PCDHA1: variants seen among roughly 807,000 people sequenced by gnomAD.
PCDHA1 encodes the protein protocadherin alpha-1.
A neutral mutation model predicts 61.3 loss-of-function variants in PCDHA1; 42 were observed. The observed-to-expected ratio is 0.69, with a 90% CI of 0.54 to 0.89. The LOEUF is 0.89. Among genes scored for constraint, PCDHA1 ranks in the 40% least tolerant of loss-of-function variants. The probability of loss-of-function intolerance (pLI) is 0.00; values close to 1 mark genes in which losing one functional copy is unlikely to be tolerated. For synonymous variants in PCDHA1, 610 were observed against 553.8 expected (o/e 1.10, Z -1.43); for missense variants, 1,256 against 1,235.3 (o/e 1.02, Z -0.25).
intron 1 of PCDHA1, among the ~76,000 whole-genome samples, chr5:140,894,786 C>T (rs990092948): frequency 6.6e-6 from 1 of 151,576 alleles, no homozygotes; most frequent in Non-Finnish European, 1.5e-5. Flanking sequence ...AATTATTTGT[C>T]CTCTCCTTTA....
intron 1 of PCDHA1, chr5:140,927,277 GTGCAGC>G: frequency 6.2e-7 from 1 of 1,614,016 alleles, no homozygotes; most frequent in Non-Finnish European, 8.5e-7. Flanking sequence ...TGCCGGCGAC[GTGCAGC>G]TGCACATCCC....
At chr5:140,807,209 G>T in intron 1 of PCDHA1, 1 of 1,613,838 alleles carries the variant, frequency 6.2e-7, no homozygotes, top group Non-Finnish European at 8.5e-7. Context: ...CTGGGGAAGC[G>T]GCCAGGAATC....
chr5:140,898,114 G>A (rs367767804), intron 1 of PCDHA1, among the ~76,000 whole-genome samples: 18 of 151,862 alleles, frequency 1.2e-4, no homozygotes, highest in Non-Finnish European at 2.4e-4. Context: ...AGTAGGTTGC[G>A]AAAATTTTCT....
intron 1 of PCDHA1, among the ~76,000 whole-genome samples, chr5:140,903,758 T>TCCACCAAAGCCCAGTAATAGGCCAAGA (rs2070567163): frequency 6.6e-6 from 1 of 152,218 alleles, no homozygotes; most frequent in Non-Finnish European, 1.5e-5. Flanking sequence ...CCTTGATTTT[T>TCCACCAAAGCCCAGTAATAGGCCAAGA]GCTGAACTTT....
chr5:140,796,927 G>A (rs1246364353), intron 1 of PCDHA1: 1 of 1,613,712 alleles, frequency 6.2e-7, no homozygotes, highest in Non-Finnish European at 8.5e-7. Flanking sequence ...GAAGGACCAC[G>A]GCGAACCAGC....
At chr5:140,821,286 A>G (rs1383696514) in intron 1 of PCDHA1, among the ~76,000 whole-genome samples, 1 of 152,166 alleles carries the variant, frequency 6.6e-6, no homozygotes, top group Admixed American at 6.5e-5. Context: ...GAAATATATA[A>G]ACTCCTCCCT....
chr5:140,884,582 T>G, intron 1 of PCDHA1: 1 of 1,614,172 alleles, frequency 6.2e-7, no homozygotes, highest in South Asian at 1.1e-5. Flanking sequence ...CCTCATGGCC[T>G]TCAGTCCCAG....
Position 140,883,886 on chromosome 5 carries a change from T to G in PCDHA1, c.2395-95063T>G, listed in dbSNP as rs147704126. ...GCAGTTCCAGGTGAGCGCGCGCGAC[T>G]CTGGCGTGCCGCCTCTGGGCAGCAA... On this transcript the variant is annotated intron_variant, in intron 1 of 3. Transcript: ENST00000504120. The G allele has an allele frequency of 2.5e-5, 41 of 1,613,036 alleles. No homozygotes were observed. The African/African-American group carries it at 2.7e-4, about 11-fold the overall frequency.
intron 1 of PCDHA1, chr5:140,808,194 T>A: frequency 6.2e-7 from 1 of 1,614,158 alleles, no homozygotes. Flanking sequence ...CATTGTAGAG[T>A]TATTGTGGAA....
At position 141,010,553 on chromosome 5, in the gene PCDHA1, C is replaced by T; in HGVS notation, c.*616C>T. ...CCACCCTCTAGGAGACAAAACTACC[C>T]CCACTGACAAGGCTTTAGGAGACCC... is the stretch of plus-strand genomic sequence containing the variant. On this transcript the variant is annotated 3_prime_UTR_variant, in exon 4 of 4. Transcript: ENST00000504120. The T allele has an allele frequency of 6.2e-6, 2 of 323,850 alleles. No homozygotes were observed. The highest frequency in any genetic ancestry group is 1.1e-5 in the Non-Finnish European group (2 of 176,368). 20.1% of individuals were successfully genotyped at this position (323,850 alleles called of 1,614,324 possible). A position where few individuals can be genotyped will look rare whatever the true frequency, so the allele number is the denominator to read the frequency against.
intron 1 of PCDHA1, chr5:140,876,403 G>A (rs1361779592): frequency 1.2e-6 from 2 of 1,613,820 alleles, no homozygotes. Context: ...ACTGGATTTT[G>A]AAGAGAATAA....
chr5:141,001,017 A>G (rs1414857051), intron 3 of PCDHA1, among the ~76,000 whole-genome samples: 2 of 152,240 alleles, frequency 1.3e-5, no homozygotes, highest in Admixed American at 1.3e-4. Flanking sequence ...TTAGATATAC[A>G]CTTATAATAA....
chr5:140,843,295 G>A lies in PCDHA1; in HGVS notation c.2394+54611G>A, dbSNP rs2150356733. On this transcript the variant is annotated intron_variant, in intron 1 of 3. Transcript: ENST00000504120. ...TGGTGAAGGATCATGGTGAACCTGC[G>A]CTGACCGCCACGGCCACGGTTCTGG... is the stretch of plus-strand genomic sequence containing the variant. 8.4e-5 allele frequency: 134 copies of A among 1,595,834 alleles called. 14 individuals are homozygous for A. In the Admixed American group the frequency reaches 2.2e-3, roughly 27 times the overall value.
chr5:140,879,078 A>G (rs1168166013), intron 1 of PCDHA1, among the ~76,000 whole-genome samples: 3 of 152,342 alleles, frequency 2.0e-5, no homozygotes, highest in African/African-American at 7.2e-5. Flanking sequence ...TAAGAGAGAT[A>G]AGTAGGAACA....
intron 1 of PCDHA1, chr5:140,823,010 T>C (rs1289602070): frequency 1.2e-5 from 20 of 1,614,120 alleles, no homozygotes; most frequent in Non-Finnish European, 1.6e-5. Flanking sequence ...GACAGCGCCC[T>C]GGACCGCGAG....
intron 1 of PCDHA1, chr5:140,870,474 C>T (rs1554164302): frequency 6.2e-7 from 1 of 1,614,218 alleles, no homozygotes; most frequent in Non-Finnish European, 8.5e-7. Context: ...TCGCACAGCC[C>T]GAGTACACCG....
intron 1 of PCDHA1, chr5:140,884,705 C>G (rs1156324848): frequency 3.4e-6 from 5 of 1,491,236 alleles, no homozygotes; most frequent in African/African-American, 1.4e-5. Flanking sequence ...AACACTTTAG[C>G]CTTCCTTGCA....
At chr5:141,003,245 A>T (rs1554258962) in intron 3 of PCDHA1, among the ~76,000 whole-genome samples, 1 of 152,216 alleles carries the variant, frequency 6.6e-6, no homozygotes, top group African/African-American at 2.4e-5. Context: ...TTTGCCAAAA[A>T]GATTCCTGGG....
intron 1 of PCDHA1, chr5:140,858,613 T>A (rs953930839): frequency 8.3e-7 from 1 of 1,208,634 alleles, no homozygotes; most frequent in Non-Finnish European, 1.1e-6. Context: ...AATTTTTTTA[T>A]CCTACCCAGT....
Sources: gnomAD v4.1 joint callset for allele counts (sites outside exome capture counted in the v4.1 genomes callset) on GRCh38, gnomAD v4.1.1 for gene constraint, MANE v1.5 for transcripts, NCBI Gene and HGNC (gene_info 2026-07-23, HGNC 2026-07-21) for gene names.